SBF2: variants seen among roughly 807,000 people sequenced by gnomAD.
SBF2 encodes the protein myotubularin-related protein 13.
In SBF2, 112 loss-of-function variants were observed where a neutral mutation model predicts 225.2. The observed-to-expected ratio is 0.50, with a 90% CI of 0.43 to 0.58. The LOEUF (loss-of-function observed/expected upper bound fraction) is 0.58. Among genes scored for constraint, SBF2 ranks in the 20% least tolerant of loss-of-function variants. The pLI, the probability that SBF2 is intolerant of heterozygous loss-of-function variation, is 0.00. For missense variants in SBF2, 1,996 were observed against 2,206.2 expected (o/e 0.90, Z 1.91); for synonymous variants, 763 against 773.3 (o/e 0.99, Z 0.22).
chr11:10,010,059 T>C (rs569985829), intron 6 of SBF2, among the ~76,000 whole-genome samples: 1 of 152,354 alleles, frequency 6.6e-6, no homozygotes, highest in East Asian at 1.9e-4. Flanking sequence ...CTTTGAGAAG[T>C]GTCTGTTCAT....
intron 2 of SBF2, among the ~76,000 whole-genome samples, chr11:10,113,798 TAAA>T (rs56742374): frequency 0.18 from 26,486 of 143,922 alleles, 2,459 homozygotes; most frequent in East Asian, 0.29. Flanking sequence ...ACATGCAGTT[TAAA>T]AAAAAAAAAA....
intron 2 of SBF2, among the ~76,000 whole-genome samples, chr11:10,143,710 G>C (rs1282565697): frequency 6.6e-6 from 1 of 151,392 alleles, no homozygotes; most frequent in Non-Finnish European, 1.5e-5. Context: ...ATTAACAACT[G>C]GGTTTTTGCT....
At chr11:10,174,289 G>C (rs1384940365) in intron 2 of SBF2, among the ~76,000 whole-genome samples, 1 of 152,174 alleles carries the variant, frequency 6.6e-6, no homozygotes, top group Non-Finnish European at 1.5e-5. Flanking sequence ...TGTATAACTA[G>C]AATAACCAAT....
Position 9,860,113 on chromosome 11 carries a change from A to G in SBF2, c.1930-1717T>C, listed in dbSNP as rs1439911205. ...TTTTGTGAGTGCGTAAGCAGAAGCCACACACACTGAATCACAAGCTCCTTC... is the reference window on the plus strand; with the variant it reads ...TTTTGTGAGTGCGTAAGCAGAAGCCGCACACACTGAATCACAAGCTCCTTC... On this transcript the variant is annotated intron_variant, in intron 17 of 39. Transcript: ENST00000256190. 5.3e-5 allele frequency among the ~76,000 whole-genome samples: 8 copies of G among 152,198 alleles called. No homozygotes were observed. The East Asian group carries it at 1.5e-3, about 29-fold the overall frequency.
At chr11:9,908,475 A>C (rs1564985809) in intron 16 of SBF2, among the ~76,000 whole-genome samples, 2 of 152,026 alleles carry the variant, frequency 1.3e-5, no homozygotes, top group Non-Finnish European at 2.9e-5. Context: ...AATGCAAAAA[A>C]AATTAGCCAG....
At chr11:9,997,253 C>A (rs1418602289) in intron 9 of SBF2, among the ~76,000 whole-genome samples, 1 of 152,160 alleles carries the variant, frequency 6.6e-6, no homozygotes, top group Non-Finnish European at 1.5e-5. Flanking sequence ...CTAGTGATAT[C>A]TTGAAAAGCA....
intron 3 of SBF2, among the ~76,000 whole-genome samples, chr11:10,036,723 T>G (rs959703613): frequency 1.3e-5 from 2 of 152,156 alleles, no homozygotes; most frequent in African/African-American, 4.8e-5. Flanking sequence ...CTTTCCAGTA[T>G]CCTATACTCT....
intron 1 of SBF2, among the ~76,000 whole-genome samples, chr11:10,195,453 T>A (rs1352874006): frequency 6.6e-6 from 1 of 152,228 alleles, no homozygotes; most frequent in East Asian, 1.9e-4. Flanking sequence ...AAGATCTTCA[T>A]GTTCCTTGCA....
intron 1 of SBF2, among the ~76,000 whole-genome samples, chr11:10,214,346 G>A (rs151241348): frequency 2.0e-5 from 3 of 152,282 alleles, no homozygotes; most frequent in Admixed American, 6.5e-5. Flanking sequence ...CCAATTGGCC[G>A]GGCGCGGTGG....
chr11:10,110,858 G>A (rs2135010557), intron 2 of SBF2, among the ~76,000 whole-genome samples: 1 of 152,164 alleles, frequency 6.6e-6, no homozygotes, highest in African/African-American at 2.4e-5. Flanking sequence ...GGAAAAGAAT[G>A]TACACATATA....
rs550682259 is a variant in SBF2 at position 10,219,354 on chromosome 11, C to T, written c.56-25367G>A. On this transcript the variant is annotated intron_variant, in intron 1 of 39. Transcript: ENST00000256190. Reference sequence around the variant, plus strand: ...TTTAGCCATGGCTGGAGTGGCTGGACGCAGGGCACCAAGTCCCTAGACTGC... The same window carrying T: ...TTTAGCCATGGCTGGAGTGGCTGGATGCAGGGCACCAAGTCCCTAGACTGC... Among the ~76,000 whole-genome samples the T allele has an allele frequency of 6.9e-3, 1,047 of 152,230 alleles. 10 individuals carry two copies. Among genetic ancestry groups the T allele is most frequent in the African/African-American group, 0.024 (986 of 41,538 alleles).
At chr11:10,156,987 C>T (rs182108110) in intron 2 of SBF2, among the ~76,000 whole-genome samples, 207 of 152,196 alleles carry the variant, frequency 1.4e-3, no homozygotes, top group African/African-American at 4.5e-3. Flanking sequence ...AAGAACAAGG[C>T]TGAGACATCA....
chr11:10,077,870 A>C (rs956797762), intron 2 of SBF2, among the ~76,000 whole-genome samples: 1 of 152,210 alleles, frequency 6.6e-6, no homozygotes, highest in East Asian at 1.9e-4. Flanking sequence ...ATAGGAGAAA[A>C]TTTCTGCAAA....
intron 2 of SBF2, among the ~76,000 whole-genome samples, chr11:10,175,476 T>C (rs1247480369): frequency 6.6e-6 from 1 of 151,122 alleles, no homozygotes; most frequent in Non-Finnish European, 1.5e-5. Context: ...CCTAAATATA[T>C]ATGCACCCAA....
At chr11:10,190,763 A>G (rs926553315) in intron 2 of SBF2, among the ~76,000 whole-genome samples, 3 of 152,204 alleles carry the variant, frequency 2.0e-5, no homozygotes, top group Non-Finnish European at 1.5e-5. Flanking sequence ...TAAATAATAA[A>G]GTTGGTCCCT....
intron 24 of SBF2, among the ~76,000 whole-genome samples, chr11:9,843,149 A>G (rs1041632334): frequency 2.0e-5 from 3 of 152,190 alleles, no homozygotes; most frequent in Non-Finnish European, 2.9e-5. Flanking sequence ...GAGTCCTCCT[A>G]CATGGAAAGC....
chr11:10,093,719 A>G lies in SBF2; in HGVS notation c.142-50738T>C, dbSNP rs1399095377. 3.3e-5 allele frequency among the ~76,000 whole-genome samples: 5 copies of G among 152,266 alleles called. No individual in the cohort carries two copies. The South Asian group carries it at 1.0e-3, about 32-fold the overall frequency. ...TCAAAAATAATAACTTTTAAAGTAC[A>G]TTCTCTTTTGCTAAATACAGAAAGG... On this transcript the variant is annotated intron_variant, in intron 2 of 39. Transcript: ENST00000256190.
At chr11:10,093,626 AGTTTT>A (rs1324528586) in intron 2 of SBF2, among the ~76,000 whole-genome samples, 2 of 152,200 alleles carry the variant, frequency 1.3e-5, no homozygotes, top group Non-Finnish European at 2.9e-5. Context: ...ATATCTATCT[AGTTTT>A]ATTTCTTAAA....
chr11:10,008,899 T>C (rs1948319141), intron 6 of SBF2, among the ~76,000 whole-genome samples: 1 of 152,238 alleles, frequency 6.6e-6, no homozygotes, highest in Non-Finnish European at 1.5e-5. Context: ...GCTTACCTCT[T>C]TTCCTGGGCA....
Sources: gnomAD v4.1 joint callset for allele counts (sites outside exome capture counted in the v4.1 genomes callset) on GRCh38, gnomAD v4.1.1 for gene constraint, MANE v1.5 for transcripts, NCBI Gene and HGNC (gene_info 2026-07-23, HGNC 2026-07-21) for gene names.